The following PABPC4L variants were observed in gnomAD, a reference collection of about 807,000 sequenced individuals.
PABPC4L encodes the protein poly(A) binding protein cytoplasmic 4 like, also known as polyadenylate-binding protein 4-like.
For missense variants in PABPC4L, 452 were observed against 451.4 expected, an observed-to-expected ratio of 1.00 and a Z score of -0.01; for synonymous variants, 169 against 164.1, an observed-to-expected ratio of 1.03 and a Z score of -0.23.
chr4:134,150,636 T>A, the PABPC4L span, among the ~76,000 whole-genome samples: 1 of 152,154 alleles, frequency 6.6e-6, no homozygotes, highest in Admixed American at 6.6e-5. Flanking sequence ...CATGCTATAA[T>A]GGCCATGCTA....
At chr4:134,021,615 G>C in the PABPC4L span, among the ~76,000 whole-genome samples, 2 of 152,190 alleles carry the variant, frequency 1.3e-5, no homozygotes, top group Non-Finnish European at 2.9e-5. Context: ...GTAGGACACA[G>C]AGGTGTCTAG....
chr4:134,149,898 GT>G, the PABPC4L span, among the ~76,000 whole-genome samples: 1 of 152,068 alleles, frequency 6.6e-6, no homozygotes, highest in Non-Finnish European at 1.5e-5. Flanking sequence ...TAGGGCTAAA[GT>G]TTATTCTCTA....
At chr4:134,065,067 G>C in the PABPC4L span, among the ~76,000 whole-genome samples, 3 of 151,994 alleles carry the variant, frequency 2.0e-5, no homozygotes, top group African/African-American at 7.2e-5. Context: ...GAGTTTTCAG[G>C]TGTCTTTGTG....
the PABPC4L span, among the ~76,000 whole-genome samples, chr4:134,079,942 A>G: frequency 6.6e-6 from 1 of 152,066 alleles, no homozygotes. Flanking sequence ...GACCAGAAAA[A>G]TACAACTAAT....
At chr4:134,174,763 A>AT in the PABPC4L span, among the ~76,000 whole-genome samples, 1 of 151,772 alleles carries the variant, frequency 6.6e-6, no homozygotes, top group East Asian at 1.9e-4. Flanking sequence ...ATTTCTATAT[A>AT]TTTTTTCCTT....
At chr4:134,187,419 C>A in the PABPC4L span, among the ~76,000 whole-genome samples, 3 of 151,756 alleles carry the variant, frequency 2.0e-5, no homozygotes, top group African/African-American at 7.3e-5. Flanking sequence ...TGGAAACCAT[C>A]ATTCTAAGCA....
the PABPC4L span, among the ~76,000 whole-genome samples, chr4:134,125,729 A>C: frequency 1.3e-5 from 2 of 152,184 alleles, no homozygotes; most frequent in Non-Finnish European, 2.9e-5. Flanking sequence ...TGTGTCTTTA[A>C]AATGTGCATT....
chr4:134,099,347 G>GT, the PABPC4L span, among the ~76,000 whole-genome samples: 1 of 151,472 alleles, frequency 6.6e-6, no homozygotes, highest in Non-Finnish European at 1.5e-5. Context: ...AAATCACTAA[G>GT]TTTTATAACT....
At chr4:134,184,831 T>C in the PABPC4L span, among the ~76,000 whole-genome samples, 1 of 152,054 alleles carries the variant, frequency 6.6e-6, no homozygotes, top group Non-Finnish European at 1.5e-5. Context: ...GTTCCTATTG[T>C]TATACATCCC....
At chr4:134,192,890 T>C (rs570549164), downstream of PABPC4L, among the ~76,000 whole-genome samples, 2 of 152,142 alleles carry the variant, frequency 1.3e-5, no homozygotes, top group Admixed American at 6.6e-5. Flanking sequence ...TGGGAGAGAG[T>C]TGGAGGGGTA....
the PABPC4L span, among the ~76,000 whole-genome samples, chr4:134,134,873 A>G: frequency 6.6e-6 from 1 of 152,018 alleles, no homozygotes; most frequent in East Asian, 1.9e-4. Flanking sequence ...GAATAAATTT[A>G]CTGAGAACCC....
the PABPC4L span, among the ~76,000 whole-genome samples, chr4:134,075,121 T>C: frequency 1.3e-5 from 2 of 152,214 alleles, no homozygotes; most frequent in Non-Finnish European, 2.9e-5. Flanking sequence ...GTCTAATGAC[T>C]GGATATTTCC....
chr4:133,952,626 G>A, the PABPC4L span, among the ~76,000 whole-genome samples: 1 of 151,970 alleles, frequency 6.6e-6, no homozygotes, highest in Non-Finnish European at 1.5e-5. Flanking sequence ...TATTTTTCGT[G>A]GTTGTTTTAG....
At chr4:134,111,352 G>A in the PABPC4L span, among the ~76,000 whole-genome samples, 1 of 151,836 alleles carries the variant, frequency 6.6e-6, no homozygotes. Flanking sequence ...ATGAATTTTG[G>A]AGAGGAAAAA....
the PABPC4L span, among the ~76,000 whole-genome samples, chr4:134,116,316 A>C: frequency 2.0e-4 from 30 of 151,920 alleles, no homozygotes; most frequent in African/African-American, 6.5e-4. Context: ...ACAATGGCAG[A>C]AACTCTTCAA....
At chr4:134,084,888 A>T in the PABPC4L span, among the ~76,000 whole-genome samples, 108 of 152,290 alleles carry the variant, frequency 7.1e-4, no homozygotes, top group African/African-American at 2.5e-3. Flanking sequence ...TCACAAACAC[A>T]TGGAAGGGTG....
chr4:134,134,514 CTT>C, the PABPC4L span, among the ~76,000 whole-genome samples: 991 of 151,730 alleles, frequency 6.5e-3, 9 homozygotes, highest in African/African-American at 0.022. Context: ...GAAATACACT[CTT>C]AAATAAAATC....
the PABPC4L span, among the ~76,000 whole-genome samples, chr4:134,105,379 T>C: frequency 6.6e-6 from 1 of 151,774 alleles, no homozygotes; most frequent in East Asian, 1.9e-4. Flanking sequence ...ACAAAACAAG[T>C]GAAAACTATC....
At chr4:134,028,652 T>A in the PABPC4L span, among the ~76,000 whole-genome samples, 1 of 152,106 alleles carries the variant, frequency 6.6e-6, no homozygotes, top group Non-Finnish European at 1.5e-5. Flanking sequence ...CTTCCTCCCA[T>A]GATAAACTGT....
Sources: allele counts gnomAD v4.1 joint callset (sites outside exome capture counted in the v4.1 genomes callset), GRCh38; gene constraint gnomAD v4.1.1; transcripts MANE v1.5; gene names NCBI Gene and HGNC (gene_info 2026-07-23, HGNC 2026-07-21).